The following CNTN6 variants were observed in gnomAD, a reference collection of about 807,000 sequenced individuals.
CNTN6 encodes the protein contactin-6.
CNTN6 carries 137 observed loss-of-function variants against 122.8 expected under a neutral mutation model. The ratio of observed to expected loss-of-function variants is 1.12; its 90% CI spans 0.97 to 1.29. CNTN6 has a LOEUF of 1.29. Among genes scored for constraint, CNTN6 ranks in the 50% most tolerant of loss-of-function variants. The pLI, the probability that CNTN6 is intolerant of heterozygous loss-of-function variation, is 0.00. For missense variants in CNTN6, 1,634 were observed against 1,223.4 expected (o/e 1.34, Z -5.01); for synonymous variants, 570 against 426.0 (o/e 1.34, Z -4.16).
intron 2 of CNTN6, among the ~76,000 whole-genome samples, chr3:1,216,384 A>G (rs2094131072): frequency 6.6e-6 from 1 of 151,946 alleles, no homozygotes; most frequent in African/African-American, 2.4e-5. Context: ...GACTGCTTTT[A>G]CTCCACAGTT....
At chr3:1,153,333 C>T (rs945198667) in intron 2 of CNTN6, among the ~76,000 whole-genome samples, 6 of 152,168 alleles carry the variant, frequency 3.9e-5, no homozygotes, top group Non-Finnish European at 7.3e-5. Context: ...GCCTAATGAG[C>T]TGGTTTCTCC....
chr3:1,389,823 A>C (rs1252448373), intron 20 of CNTN6, among the ~76,000 whole-genome samples: 8 of 151,500 alleles, frequency 5.3e-5, no homozygotes, highest in Non-Finnish European at 1.0e-4. Flanking sequence ...AGGCCATTAC[A>C]TAATGGTAAA....
chr3:1,226,264 G>C (rs1413878356), intron 3 of CNTN6, among the ~76,000 whole-genome samples: 1 of 151,988 alleles, frequency 6.6e-6, no homozygotes. Context: ...TGGTATAAAG[G>C]GGAGAATCAT....
intron 2 of CNTN6, among the ~76,000 whole-genome samples, chr3:1,185,527 T>G (rs1006532877): frequency 1.3e-5 from 2 of 152,164 alleles, no homozygotes; most frequent in Admixed American, 6.5e-5. Context: ...CTGTGTTTGG[T>G]ATAAAGGCCA....
At chr3:1,391,431 A>C (rs1694127958) in intron 20 of CNTN6, among the ~76,000 whole-genome samples, 1 of 98,358 alleles carries the variant, frequency 1.0e-5, no homozygotes, top group African/African-American at 4.6e-5. Context: ...ATCTATGACA[A>C]ACCCACAGCC....
intron 7 of CNTN6, among the ~76,000 whole-genome samples, chr3:1,301,068 A>G (rs1697314087): frequency 8.2e-6 from 1 of 121,488 alleles, no homozygotes. Flanking sequence ...ACGGAGTCTA[A>G]CTCTGTCGCC....
chr3:1,157,305 C>T (rs1396183434), intron 2 of CNTN6, among the ~76,000 whole-genome samples: 4 of 152,028 alleles, frequency 2.6e-5, no homozygotes, highest in Non-Finnish European at 4.4e-5. Flanking sequence ...GCAACCTCTG[C>T]CTCCCAGGTT....
chr3:1,326,263 C>T (rs1559830774), intron 9 of CNTN6, among the ~76,000 whole-genome samples: 1 of 151,810 alleles, frequency 6.6e-6, no homozygotes, highest in Non-Finnish European at 1.5e-5. Flanking sequence ...ACTGAACTCT[C>T]ATATGAGCCA....
intron 4 of CNTN6, 73 bp from the exon 5 acceptor site, chr3:1,278,340 C>A: frequency 9.3e-7 from 1 of 1,070,158 alleles, no homozygotes. Flanking sequence ...TAAAAACATT[C>A]TTGAGATTCT....
At chr3:1,262,153 A>G (rs1329157857) in intron 4 of CNTN6, among the ~76,000 whole-genome samples, 1 of 152,166 alleles carries the variant, frequency 6.6e-6, no homozygotes, top group Admixed American at 6.6e-5. Context: ...TTCTGCAGTT[A>G]CAGATGTGCG....
intron 1 of CNTN6, among the ~76,000 whole-genome samples, chr3:1,110,011 A>T (rs1293703102): frequency 6.6e-6 from 1 of 152,056 alleles, no homozygotes; most frequent in Non-Finnish European, 1.5e-5. Context: ...TTGTCTAGTT[A>T]GTGGAGCATT....
At chr3:1,355,466 T>C (rs1337117456) in intron 12 of CNTN6, among the ~76,000 whole-genome samples, 1 of 151,702 alleles carries the variant, frequency 6.6e-6, no homozygotes, top group African/African-American at 2.4e-5. Flanking sequence ...ATTATTATTT[T>C]ACAACCTACA....
At chr3:1,378,645 G>C (rs1710224096) in intron 17 of CNTN6, among the ~76,000 whole-genome samples, 2 of 152,212 alleles carry the variant, frequency 1.3e-5, no homozygotes, top group South Asian at 4.1e-4. Flanking sequence ...CAGGATTTCA[G>C]GTGCCACACA....
At chr3:1,315,908 T>A (rs975429489) in intron 7 of CNTN6, among the ~76,000 whole-genome samples, 1 of 151,972 alleles carries the variant, frequency 6.6e-6, no homozygotes, top group African/African-American at 2.4e-5. Context: ...AGTGTGGAGA[T>A]CTGATTTCAG....
chr3:1,221,217 C>T (rs935178129), intron 3 of CNTN6, among the ~76,000 whole-genome samples: 1 of 149,938 alleles, frequency 6.7e-6, no homozygotes, highest in Non-Finnish European at 1.5e-5. Flanking sequence ...ACACAGGAAG[C>T]CAGGAAGAAA....
At position 1,165,263 on chromosome 3, in the gene CNTN6, C is replaced by A. The variant is rs146282689; in HGVS notation, c.55+17200C>A. Reference sequence around the variant, plus strand: ...CTCTTCCCATTCCCATTCTCATTACCGCTCATCTAGGCTGTTGCGGAAGAC... The same window carrying A: ...CTCTTCCCATTCCCATTCTCATTACAGCTCATCTAGGCTGTTGCGGAAGAC... On this transcript the variant is annotated intron_variant, in intron 2 of 22. Coordinates refer to ENST00000446702, the MANE Select transcript of CNTN6 (RefSeq NM_001289080.2). 2.4e-3 allele frequency among the ~76,000 whole-genome samples: 372 copies of A among 152,192 alleles called. 2 individuals are homozygous for A. The highest frequency in any genetic ancestry group is 8.4e-3 in the African/African-American group (348 of 41,534).
intron 20 of CNTN6, among the ~76,000 whole-genome samples, chr3:1,393,473 G>T (rs1694514749): frequency 6.9e-6 from 1 of 145,304 alleles, no homozygotes; most frequent in Non-Finnish European, 1.5e-5. Context: ...CGAGTTAGTG[G>T]GTGCAGCGCA....
intron 13 of CNTN6, 22 bp from the exon 14 acceptor site, chr3:1,372,806 GTTTTTATCCA>G: frequency 7.4e-7 from 1 of 1,354,802 alleles, no homozygotes; most frequent in Non-Finnish European, 1.0e-6. Flanking sequence ...ATGGGCTTAC[GTTTTTATCCA>G]TTTCTCCCTT....
chr3:1,283,811 C>A (rs1306745978), intron 5 of CNTN6, among the ~76,000 whole-genome samples: 1 of 152,064 alleles, frequency 6.6e-6, no homozygotes, highest in African/African-American at 2.4e-5. Flanking sequence ...ACCAGCCTGG[C>A]CAACATGGTG....
Sources: gnomAD v4.1 joint callset for allele counts (sites outside exome capture counted in the v4.1 genomes callset) on GRCh38, gnomAD v4.1.1 for gene constraint, MANE v1.5 for transcripts, NCBI Gene and HGNC (gene_info 2026-07-23, HGNC 2026-07-21) for gene names.